The following CMIP variants were observed in gnomAD, a reference collection of about 807,000 sequenced individuals.
CMIP encodes the protein c-Maf inducing protein, also known as C-Maf-inducing protein.
Under a neutral mutation model 97.3 loss-of-function variants are expected in CMIP, and 13 were observed. That is an observed-to-expected ratio of 0.13 (90% confidence interval 0.09 to 0.21). CMIP has a LOEUF of 0.21. Among genes scored for constraint, CMIP ranks in the 10% least tolerant of loss-of-function variants. The probability of loss-of-function intolerance (pLI) is 1.00; values close to 1 mark genes in which losing one functional copy is unlikely to be tolerated. For synonymous variants in CMIP, 538 were observed against 436.3 expected (o/e 1.23, Z -2.91); for missense variants, 847 against 1,024.9 (o/e 0.83, Z 2.37).
chr16:81,567,597 C>T (rs1206421212), intron 1 of CMIP, among the ~76,000 whole-genome samples: 1 of 152,234 alleles, frequency 6.6e-6, no homozygotes, highest in Non-Finnish European at 1.5e-5. Context: ...CAAGAGACCA[C>T]ATGGGAAGTG....
intron 1 of CMIP, among the ~76,000 whole-genome samples, chr16:81,449,669 TC>T (rs11288143): frequency 0.45 from 64,624 of 144,566 alleles, 14,420 homozygotes; most frequent in East Asian, 0.69. Flanking sequence ...CACACAGATT[TC>T]CCCCCCCCCC....
intron 1 of CMIP, among the ~76,000 whole-genome samples, chr16:81,472,552 A>C (rs949217123): frequency 1.1e-4 from 17 of 152,154 alleles, no homozygotes; most frequent in African/African-American, 3.1e-4. Context: ...GCCCTGTCCT[A>C]GGGTGCCCCA....
At chr16:81,558,535 A>G (rs2090813718) in intron 1 of CMIP, among the ~76,000 whole-genome samples, 1 of 152,222 alleles carries the variant, frequency 6.6e-6, no homozygotes, top group Admixed American at 6.5e-5. Flanking sequence ...GCCCTGCCAC[A>G]CACAGGACAC....
At chr16:81,677,410 C>G (rs1214193632) in intron 9 of CMIP, among the ~76,000 whole-genome samples, 3 of 152,168 alleles carry the variant, frequency 2.0e-5, no homozygotes, top group African/African-American at 7.2e-5. Context: ...GTTTGAGCAT[C>G]TGTGTGACTG....
At position 81,621,133 on chromosome 16, in the gene CMIP, C is replaced by G; in HGVS notation, c.477+207C>G. ...TCCCCTGCAGTGCTGAAATAGCATT[C>G]TCGCCCTGGTGTTCTCAAACCCTAT... On this transcript the variant is annotated intron_variant, in intron 3 of 20. Coordinates refer to ENST00000537098, the MANE Select transcript of CMIP (RefSeq NM_198390.3). This position sits in a 1 kb window ranked among gnomAD's most constrained non-coding sequence, Gnocchi z 4.1. The G allele has an allele frequency of 3.6e-6, 2 of 557,042 alleles. No homozygotes were observed. Among genetic ancestry groups the G allele is most frequent in the Non-Finnish European group, 6.4e-6 (2 of 310,986 alleles). The allele number at this position is 557,042 out of a possible 1,614,324, so 34.5% of individuals were successfully genotyped here. A position where few individuals can be genotyped will look rare whatever the true frequency, so the allele number is the denominator to read the frequency against.
At chr16:81,590,870 TC>T (rs2091457088) in intron 1 of CMIP, among the ~76,000 whole-genome samples, 1 of 144,050 alleles carries the variant, frequency 6.9e-6, no homozygotes, top group Non-Finnish European at 1.6e-5. Context: ...CATCCATCCA[TC>T]ACATTTCTAT....
At chr16:81,582,871 G>A (rs780684911) in intron 1 of CMIP, among the ~76,000 whole-genome samples, 12 of 152,104 alleles carry the variant, frequency 7.9e-5, no homozygotes, top group Non-Finnish European at 1.6e-4. Flanking sequence ...AGAAAATGAA[G>A]ATAAAGAGTG....
At chr16:81,531,529 C>T (rs1241892054) in intron 1 of CMIP, among the ~76,000 whole-genome samples, 1 of 152,196 alleles carries the variant, frequency 6.6e-6, no homozygotes, top group African/African-American at 2.4e-5. Flanking sequence ...CACACCAGGC[C>T]GTCTCTACCC....
chr16:81,542,125 G>A (rs989869524), intron 1 of CMIP, among the ~76,000 whole-genome samples: 1 of 152,154 alleles, frequency 6.6e-6, no homozygotes, highest in Non-Finnish European at 1.5e-5. Flanking sequence ...GGAACAAGCT[G>A]TCTTACCTGG....
intron 1 of CMIP, among the ~76,000 whole-genome samples, chr16:81,502,759 C>T (rs1463222290): frequency 1.1e-4 from 17 of 152,148 alleles, no homozygotes; most frequent in Admixed American, 1.1e-3. Flanking sequence ...ATTCTGATTA[C>T]CTATTGTTTG....
intron 1 of CMIP, among the ~76,000 whole-genome samples, chr16:81,499,425 T>C (rs1266168959): frequency 1.3e-5 from 2 of 152,208 alleles, no homozygotes; most frequent in Non-Finnish European, 2.9e-5. Flanking sequence ...GGATATTCTC[T>C]GATTTCTCCC....
intron 3 of CMIP, among the ~76,000 whole-genome samples, chr16:81,629,496 C>T (rs1019659364): frequency 6.6e-6 from 1 of 152,346 alleles, no homozygotes; most frequent in South Asian, 2.1e-4. Flanking sequence ...AGACGTTGCC[C>T]TTGAACCCCA....
At chr16:81,555,036 C>T (rs2090734559) in intron 1 of CMIP, among the ~76,000 whole-genome samples, 1 of 152,162 alleles carries the variant, frequency 6.6e-6, no homozygotes, top group South Asian at 2.1e-4. Context: ...CACCAGCTGT[C>T]ACCTTGGTGC....
intron 2 of CMIP, among the ~76,000 whole-genome samples, chr16:81,613,743 CT>C (rs2091868685): frequency 6.6e-6 from 1 of 152,134 alleles, no homozygotes; most frequent in Admixed American, 6.5e-5. Flanking sequence ...TGTGGACTTT[CT>C]TCGCTGAGCA....
chr16:81,703,003 C>T (rs1567674725), intron 17 of CMIP, among the ~76,000 whole-genome samples: 1 of 152,062 alleles, frequency 6.6e-6, no homozygotes, highest in Non-Finnish European at 1.5e-5. Flanking sequence ...CTCACAGCAA[C>T]CCTTGGAAGC....
At chr16:81,603,632 C>T (rs2091694178) in intron 1 of CMIP, among the ~76,000 whole-genome samples, 1 of 152,144 alleles carries the variant, frequency 6.6e-6, no homozygotes, top group African/African-American at 2.4e-5. Context: ...ATCCAGGATC[C>T]CCACAGTACC....
At chr16:81,489,608 C>T (rs1055547183) in intron 1 of CMIP, among the ~76,000 whole-genome samples, 1 of 152,176 alleles carries the variant, frequency 6.6e-6, no homozygotes, top group Non-Finnish European at 1.5e-5. Context: ...CAAACAGACC[C>T]ACGAGGCCAC....
intron 1 of CMIP, among the ~76,000 whole-genome samples, chr16:81,527,378 A>G (rs554913988): frequency 6.6e-6 from 1 of 152,122 alleles, no homozygotes; most frequent in Non-Finnish European, 1.5e-5. Flanking sequence ...AGAAAAAAAC[A>G]CCAACAGGGA....
intron 1 of CMIP, among the ~76,000 whole-genome samples, chr16:81,498,237 G>A (rs548642055): frequency 4.4e-4 from 67 of 152,354 alleles, no homozygotes; most frequent in African/African-American, 1.6e-3. Flanking sequence ...ATGAAATGAT[G>A]GATGTGGAGC....
Sources: gnomAD v4.1 joint callset for allele counts (sites outside exome capture counted in the v4.1 genomes callset) on GRCh38, gnomAD v4.1.1 for gene constraint, Gnocchi (gnomAD v3.1) non-coding constraint, MANE v1.5 for transcripts, NCBI Gene and HGNC (gene_info 2026-07-23, HGNC 2026-07-21) for gene names.